Variants in PODNL1 observed in about 807,000 individuals in gnomAD.
PODNL1 encodes the protein podocan like 1.
PODNL1 carries 50 observed loss-of-function variants against 45.1 expected under a neutral mutation model. That is an observed-to-expected ratio of 1.11 (90% CI 0.88 to 1.40). PODNL1 has a LOEUF of 1.40. Among genes scored for constraint, PODNL1 ranks in the 40% most tolerant of loss-of-function variants. The pLI, the probability that PODNL1 is intolerant of heterozygous loss-of-function variation, is 0.00. For missense variants in PODNL1, 788 were observed against 793.3 expected (o/e 0.99, Z 0.08); for synonymous variants, 406 against 372.5 (o/e 1.09, Z -1.04).
rs1238621139 is a variant in PODNL1, at chr19:13,934,288, C to A, written c.617G>T (p.Ser206Ile). 5.2e-6 allele frequency: 8 copies of A among 1,534,298 alleles called. No homozygotes were observed. The highest frequency in any genetic ancestry group is 7.0e-6 in the Non-Finnish European group (8 of 1,142,444). ...GAGCCGCTCGAGTGAGGGCGGCAGG[C>A]TGGGCGGCAGGTAGCTGAGCTGGTT... ...SNNQLSYLPP[S>I]LPPSLERLHL... The change falls in exon 6 of 10, where the codon AGC becomes ATC. Residue 206 changes from serine (S) to isoleucine (I), a missense_variant. By Grantham distance (142) the Ser-to-Ile change is moderately radical (BLOSUM62 -2). This residue lies in a region of PODNL1 where 762 missense variants were observed against 750.9 expected (regional missense o/e 1.01). Transcript: ENST00000588872.
At chr19:13,935,263 C>T (rs1400159163) in intron 5 of PODNL1, among the ~76,000 whole-genome samples, 3 of 152,118 alleles carry the variant, frequency 2.0e-5, no homozygotes, top group African/African-American at 7.2e-5. Context: ...ATGCCCTCTT[C>T]CCACTCCCCA....
At chr19:13,946,329 C>T (rs1300481414) in intron 1 of PODNL1, among the ~76,000 whole-genome samples, 1 of 151,144 alleles carries the variant, frequency 6.6e-6, no homozygotes, top group Non-Finnish European at 1.5e-5. Flanking sequence ...ACTTGGGAGG[C>T]TGAGGCAGGA....
At chr19:13,948,653 G>T (rs1184719628) in intron 1 of PODNL1, among the ~76,000 whole-genome samples, 1 of 150,312 alleles carries the variant, frequency 6.7e-6, no homozygotes, top group African/African-American at 2.4e-5. Context: ...CCTCCTGGCC[G>T]GGTGTGGTGG....
chr19:13,949,202 C>T (rs1036602353), intron 1 of PODNL1: 10 of 152,064 alleles, frequency 6.6e-5, no homozygotes, highest in African/African-American at 9.7e-5. Context: ...TCAAGTGATC[C>T]GCCCGCCTTG....
chr19:13,952,092 G>A (rs767364813), intron 1 of PODNL1, among the ~76,000 whole-genome samples: 5 of 152,342 alleles, frequency 3.3e-5, no homozygotes, highest in South Asian at 2.1e-4. Context: ...CACCTGGACC[G>A]GGCGCGGGCA....
chr19:13,931,490 T>G lies in PODNL1; in HGVS notation c.*247A>C, dbSNP rs1331861384. 14 of 385,004 alleles carry G rather than the reference T, an allele frequency of 3.6e-5. No individual in the cohort carries two copies. Among genetic ancestry groups the G allele is most frequent in the Admixed American group, 4.6e-5 (1 of 21,976 alleles). The allele number at this position is 385,004 out of a possible 1,614,324, so 23.8% of individuals were successfully genotyped here. A position where few individuals can be genotyped will look rare whatever the true frequency, so the allele number is the denominator to read the frequency against. On this transcript the variant is annotated 3_prime_UTR_variant, in exon 10 of 10. Transcript: ENST00000588872. ...TGCTGAGTGCTGGAAGGGTTTGGCT[T>G]TATTGTTGCTGCCTCCATCTGTGTT...
chr19:13,934,210 G>A, intron 6 of PODNL1, 44 bp downstream of exon 6: 6 of 1,485,960 alleles, frequency 4.0e-6, no homozygotes, highest in East Asian at 2.3e-5. Flanking sequence ...CCTGGAAAGA[G>A]GTGAAGAGAG....
At chr19:13,934,926 CAA>C (rs960240272) in intron 5 of PODNL1, among the ~76,000 whole-genome samples, 5 of 150,784 alleles carry the variant, frequency 3.3e-5, no homozygotes, top group Admixed American at 6.6e-5. Context: ...TGATCATGTG[CAA>C]AAGTGTGAGC....
Position 13,933,764 on chromosome 19 carries a change from C to G in PODNL1, c.767+114G>C. ...GTGCTCTGCCGAGCCCAGTGAGCAG[C>G]AGGCACTCAGTAAATGAGGCCGTGG... is the stretch of plus-strand genomic sequence containing the variant. On this transcript the variant is annotated intron_variant, in intron 7 of 9. Coordinates refer to ENST00000588872, the MANE Select transcript of PODNL1 (RefSeq NM_001370095.3). This position sits in a 1 kb window ranked among gnomAD's most constrained non-coding sequence, Gnocchi z 5.2. 1 of 906,600 alleles carries G rather than the reference C, an allele frequency of 1.1e-6. No homozygotes were observed. The allele number at this position is 906,600 out of a possible 1,614,324, so 56.2% of individuals were successfully genotyped here.
At chr19:13,932,718 A>G in intron 8 of PODNL1, 80 bp downstream of exon 8, 1 of 1,608,076 alleles carries the variant, frequency 6.2e-7, no homozygotes, top group Non-Finnish European at 8.5e-7. Context: ...CCAGCTAACT[A>G]GAATGTTTGG....
chr19:13,948,746 T>C (rs1283368908), intron 1 of PODNL1, among the ~76,000 whole-genome samples: 2 of 121,732 alleles, frequency 1.6e-5, no homozygotes, highest in Admixed American at 9.7e-5. Context: ...CTGACCGTCC[T>C]GGCTAACATG....
In PODNL1 at chr19:13,935,838, G is replaced by C. The variant is rs1253746677; in HGVS notation, c.385-8C>G. The C allele has an allele frequency of 6.3e-7, 1 of 1,598,838 alleles. No homozygotes were observed. The highest frequency in any genetic ancestry group is 8.5e-7 in the Non-Finnish European group (1 of 1,173,098). On this transcript the variant is annotated splice_region_variant and splice_polypyrimidine_tract_variant and intron_variant, in intron 4 of 9. Coordinates refer to ENST00000588872, the MANE Select transcript of PODNL1 (RefSeq NM_001370095.3). ...CTGAGGGGCCACTGAGAGCTGTGGG[G>C]ACACAGCCCACAGCCGGACTGGTCC...
chr19:13,952,910 C>T (rs1252150854), intron 1 of PODNL1: 2 of 842,872 alleles, frequency 2.4e-6, no homozygotes, highest in Non-Finnish European at 3.5e-6. Flanking sequence ...AGGGAGGGGG[C>T]TCGGAGGGAG....
chr19:13,944,789 T>G (rs1386085118), intron 1 of PODNL1, among the ~76,000 whole-genome samples: 1 of 151,566 alleles, frequency 6.6e-6, no homozygotes, highest in South Asian at 2.1e-4. Flanking sequence ...TTTTGGGGTT[T>G]TTTTGAGAGG....
chr19:13,934,225 G>A, intron 6 of PODNL1, 29 bp downstream of exon 6: 1 of 1,492,198 alleles, frequency 6.7e-7, no homozygotes, highest in Non-Finnish European at 8.9e-7. Context: ...AGAGAGTCTG[G>A]CCCGGGGTGG....
Position 13,931,964 on chromosome 19 carries a change from C to T in PODNL1, c.1574G>A (p.Arg525Lys). ...STPRLRALFLRANRLHMTSIA... is the reference protein window; with the variant it reads ...STPRLRALFLKANRLHMTSIA... ...ACCCCTCCGGTCACCCTCGGGGCAC[C>T]TGAGGAAGAGGGCACGCAGGCGGGG... Residue 525 changes from arginine to lysine, a missense_variant and splice_region_variant, in exon 9 of 10, where the codon AGG becomes AAG. Arg to Lys is a conservative substitution (Grantham distance 26). Transcript: ENST00000588872. 3.2e-6 allele frequency: 4 copies of T among 1,232,344 alleles called. No individual in the cohort carries two copies. Among genetic ancestry groups the T allele is most frequent in the Non-Finnish European group, 4.0e-6 (4 of 988,126 alleles). 76.3% of individuals were successfully genotyped at this position (1,232,344 alleles called of 1,614,324 possible). A position where few individuals can be genotyped will look rare whatever the true frequency, so the allele number is the denominator to read the frequency against.
upstream of PODNL1, among the ~76,000 whole-genome samples, chr19:13,939,439 T>C (rs570455246): frequency 2.0e-5 from 3 of 152,070 alleles, no homozygotes; most frequent in Admixed American, 6.6e-5. Flanking sequence ...CTCGAACTCC[T>C]GACCTCAGGT....
Position 13,933,785 on chromosome 19 carries a change from C to T in PODNL1, c.767+93G>A, listed in dbSNP as rs1469306504. The T allele has an allele frequency of 9.8e-6, 11 of 1,123,024 alleles. No individual in the cohort carries two copies. The highest frequency in any genetic ancestry group is 2.8e-5 in the South Asian group (2 of 71,904). The allele number at this position is 1,123,024 out of a possible 1,614,324, so 69.6% of individuals were successfully genotyped here. ...GCAGCAGGCACTCAGTAAATGAGGC[C>T]GTGGCTTAGGAGCCAGTCAGGGAAG... On this transcript the variant is annotated intron_variant, in intron 7 of 9. Transcript: ENST00000588872. This position sits in a 1 kb window ranked among gnomAD's most constrained non-coding sequence, Gnocchi z 5.2.
intron 2 of PODNL1, 27 bp from the exon 3 acceptor site, chr19:13,936,487 C>T (rs376908012): frequency 1.8e-5 from 29 of 1,578,480 alleles, no homozygotes; most frequent in African/African-American, 2.7e-5. Flanking sequence ...GGGGTGTTCA[C>T]ACCCGTGACC....
Sources: gnomAD v4.1 joint callset for allele counts (sites outside exome capture counted in the v4.1 genomes callset) on GRCh38, gnomAD v4.1.1 for gene constraint, gnomAD v4.1.1 regional missense constraint, Gnocchi (gnomAD v3.1) non-coding constraint, MANE v1.5 for transcripts, NCBI Gene and HGNC (gene_info 2026-07-23, HGNC 2026-07-21) for gene names.